RIMBP2: variants seen among roughly 807,000 people sequenced by gnomAD.
RIMBP2 encodes RIMS binding protein 2, also known as RIMS-binding protein 2.
RIMBP2 carries 48 observed loss-of-function variants against 118.6 expected under a neutral mutation model. The ratio of observed to expected loss-of-function variants is 0.40; its 90% CI spans 0.32 to 0.51. The LOEUF is 0.51. Among genes scored for constraint, RIMBP2 ranks in the 20% least tolerant of loss-of-function variants. The pLI, the probability that RIMBP2 is intolerant of heterozygous loss-of-function variation, is 0.41. For synonymous variants in RIMBP2, 762 were observed against 742.9 expected (o/e 1.03, Z -0.42); for missense variants, 1,551 against 1,768.3 (o/e 0.88, Z 2.20).
chr12:130,463,367 G>A (rs561239319), intron 6 of RIMBP2, among the ~76,000 whole-genome samples: 11 of 152,184 alleles, frequency 7.2e-5, no homozygotes, highest in Non-Finnish European at 1.5e-4. Context: ...AACTGAGTCC[G>A]GACCAGGCAG....
intron 1 of RIMBP2, among the ~76,000 whole-genome samples, chr12:130,682,083 T>C (rs1478777960): frequency 6.6e-6 from 1 of 152,230 alleles, no homozygotes; most frequent in Non-Finnish European, 1.5e-5. Context: ...TAGTGTGGCA[T>C]TGCTGCTGGG....
Position 130,424,277 on chromosome 12 carries a change from G to A in RIMBP2, c.2994C>T (p.Pro998=). ...TGGGCTCGCCCCAGCCGTGCTTCCT[G>A]GGGGGCGGCCTCTCCGGGCCGGGCT... is the stretch of plus-strand genomic sequence containing the variant. ...DPQPGPERPP[P]RKHGWGEPTE... is the part of the protein sequence containing the mutation. The change falls in exon 16 of 23, where the codon CCC becomes CCT. Residue 998 remains proline (P), a synonymous_variant. Coordinates refer to ENST00000690449, the MANE Select transcript of RIMBP2 (RefSeq NM_001393629.1). The surrounding 1 kb of genome is among the most constrained non-coding windows in gnomAD (Gnocchi z 9.8). 8.1e-7 allele frequency: 1 copy of A among 1,231,816 alleles called. No homozygotes were observed. The allele number at this position is 1,231,816 out of a possible 1,614,324, so 76.3% of individuals were successfully genotyped here.
chr12:130,428,086 C>T (rs1301682753), intron 15 of RIMBP2, 93 bp downstream of exon 15: 1 of 1,260,486 alleles, frequency 7.9e-7, no homozygotes, highest in Non-Finnish European at 1.1e-6. Context: ...GGGCAAGGCC[C>T]CTCTGGAGCC....
chr12:130,677,435 C>A (rs970961807), intron 1 of RIMBP2, among the ~76,000 whole-genome samples: 4 of 152,102 alleles, frequency 2.6e-5, no homozygotes, highest in African/African-American at 9.7e-5. Flanking sequence ...CGAGACCAGC[C>A]TGGCCAACAT....
At chr12:130,591,233 G>A (rs1233860702) in intron 2 of RIMBP2, among the ~76,000 whole-genome samples, 2 of 152,208 alleles carry the variant, frequency 1.3e-5, no homozygotes, top group Non-Finnish European at 2.9e-5. Flanking sequence ...TGGCTGGAAC[G>A]TCAACTCTCC....
At chr12:130,406,997 G>A (rs969295155) in intron 20 of RIMBP2, among the ~76,000 whole-genome samples, 3 of 152,092 alleles carry the variant, frequency 2.0e-5, no homozygotes, top group Non-Finnish European at 4.4e-5. Flanking sequence ...CAAAGCAGGC[G>A]GTGTCAAACA....
In RIMBP2 at chr12:130,609,249, C is replaced by T. The variant is rs117925406; in HGVS notation, c.-217+19073G>A. On this transcript the variant is annotated intron_variant, in intron 2 of 22. Coordinates refer to ENST00000690449, the MANE Select transcript of RIMBP2 (RefSeq NM_001393629.1). ...TGTCACAAAGCTGTCTGCCCCCCCA[C>T]GTTTATACAGCACCATTCCCACTAG... Among the ~76,000 whole-genome samples the T allele has an allele frequency of 2.1e-3, 316 of 152,220 alleles. 2 individuals carry two copies. Among genetic ancestry groups the T allele is most frequent in the Non-Finnish European group, 3.3e-3 (223 of 68,018 alleles).
Position 130,414,323 on chromosome 12 carries a change from G to T in RIMBP2, c.3239-17C>A. 6.4e-7 allele frequency: 1 copy of T among 1,565,296 alleles called. No homozygotes were observed. The highest frequency in any genetic ancestry group is 8.7e-7 in the Non-Finnish European group (1 of 1,154,124). ...CGTAATCGTCTGCGAGCAAGTGGGG[G>T]TGAAGAACAGAGCGGCAGTGAGCCT... is the stretch of plus-strand genomic sequence containing the variant. On this transcript the variant is annotated splice_polypyrimidine_tract_variant and intron_variant, in intron 17 of 22. Transcript: ENST00000690449.
chr12:130,519,712 A>G (rs1378904885), intron 2 of RIMBP2, among the ~76,000 whole-genome samples: 1 of 152,212 alleles, frequency 6.6e-6, no homozygotes, highest in Non-Finnish European at 1.5e-5. Flanking sequence ...GCAATAGCTC[A>G]GAGAATTTGA....
At chr12:130,490,241 C>T (rs1056400411) in intron 4 of RIMBP2, among the ~76,000 whole-genome samples, 3 of 151,428 alleles carry the variant, frequency 2.0e-5, no homozygotes, top group African/African-American at 2.4e-5. Context: ...CACAGACTTA[C>T]TGTGACAATT....
At position 130,441,956 on chromosome 12, in the gene RIMBP2, C is replaced by A. The variant is rs1344851920; in HGVS notation, c.1396G>T (p.Ala466Ser). The stretch of plus-strand genomic sequence containing the variant: ...TTGGCCAGAACCTTCACCTTATAGG[C>A]CATGTTGGGCCTGAGATTGAAGAAC... ...YQFFNLRPNM[A>S]YKVKVLAKPH... Residue 466 changes from alanine to serine, a missense_variant, in exon 11 of 23, where the codon GCC becomes TCC. Physicochemically the swap from Ala to Ser is moderately conservative, Grantham distance 99. Around this residue, in one of 5 missense-constraint regions of RIMBP2, gnomAD observed 3 missense variants for 16.5 expected, o/e 0.18. Coordinates refer to ENST00000690449, the MANE Select transcript of RIMBP2 (RefSeq NM_001393629.1). The A allele has an allele frequency of 6.2e-7, 1 of 1,613,998 alleles. No homozygotes were observed. Among genetic ancestry groups the A allele is most frequent in the East Asian group, 2.2e-5 (1 of 44,886 alleles).
intron 2 of RIMBP2, among the ~76,000 whole-genome samples, chr12:130,560,215 A>C (rs1330392238): frequency 6.6e-6 from 1 of 152,172 alleles, no homozygotes; most frequent in Non-Finnish European, 1.5e-5. Flanking sequence ...AATGTGGTAA[A>C]AGACTTCCTA....
chr12:130,591,591 G>A (rs2059272384), intron 2 of RIMBP2, among the ~76,000 whole-genome samples: 1 of 152,130 alleles, frequency 6.6e-6, no homozygotes, highest in African/African-American at 2.4e-5. Context: ...GGGCGGGGGG[G>A]CTCCTTCCAG....
rs368757725 is a variant in RIMBP2, at chr12:130,578,757, G to T, written c.-217+49565C>A. On this transcript the variant is annotated intron_variant, in intron 2 of 22. Transcript: ENST00000690449. The surrounding 1 kb of genome is among the most constrained non-coding windows in gnomAD (Gnocchi z 4.1). The stretch of plus-strand genomic sequence containing the variant: ...ACTTGGCTTGTGCCTTCCACTGCAC[G>T]CTCCACTATCTGAAGTCGCAGGTCC... Among the ~76,000 whole-genome samples the T allele has an allele frequency of 2.6e-5, 4 of 152,144 alleles. No homozygotes were observed. The highest frequency in any genetic ancestry group is 5.9e-5 in the Non-Finnish European group (4 of 68,036).
At chr12:130,715,755 T>TCCCCCC (rs11388548) in intron 1 of RIMBP2, among the ~76,000 whole-genome samples, 1 of 133,806 alleles carries the variant, frequency 7.5e-6, no homozygotes, top group African/African-American at 2.5e-5. Flanking sequence ...CACGTCCCCT[T>TCCCCCC]CCCCCCCTCC....
chr12:130,424,412 GC>G lies in RIMBP2; in HGVS notation c.2858del (p.Gly953AlafsTer12). On this transcript the variant is annotated frameshift_variant, in exon 16 of 23. Transcript: ENST00000690449. LOFTEE classifies it high-confidence loss of function. This position sits in a 1 kb window ranked among gnomAD's most constrained non-coding sequence, Gnocchi z 9.8. ...GCCGCCGGGCCAGCAGCGGCCTCGG[GC>G]CCCTCCTGCAGGGACAGTGACCAGG... ...PGPGHCPCRRGPRPLLARRRT... is the reference protein window; with the variant it reads ...PGPGHCPCRRXPRPLLARRRT... 1.6e-6 allele frequency: 2 copies of G among 1,232,752 alleles called. No individual in the cohort carries two copies. Among genetic ancestry groups the G allele is most frequent in the Non-Finnish European group, 2.0e-6 (2 of 988,220 alleles). 76.4% of individuals were successfully genotyped at this position (1,232,752 alleles called of 1,614,324 possible). A position where few individuals can be genotyped will look rare whatever the true frequency, so the allele number is the denominator to read the frequency against.
chr12:130,554,378 G>A (rs1399042816), intron 2 of RIMBP2, among the ~76,000 whole-genome samples: 1 of 152,162 alleles, frequency 6.6e-6, no homozygotes, highest in East Asian at 1.9e-4. Context: ...CCTCATTCAA[G>A]CATCCTAATG....
In RIMBP2 at chr12:130,525,255, C is replaced by T. The variant is rs1384774295; in HGVS notation, c.-216-7338G>A. Reference sequence around the variant, plus strand: ...GTGACCAGAGCCTTGAGAGTGGGGACCGGCAGGTCAGCTACTGCCCAGAAG... The same window carrying T: ...GTGACCAGAGCCTTGAGAGTGGGGATCGGCAGGTCAGCTACTGCCCAGAAG... On this transcript the variant is annotated intron_variant, in intron 2 of 22. Coordinates refer to ENST00000690449, the MANE Select transcript of RIMBP2 (RefSeq NM_001393629.1). This position sits in a 1 kb window ranked among gnomAD's most constrained non-coding sequence, Gnocchi z 4.4. Among the ~76,000 whole-genome samples the T allele has an allele frequency of 1.3e-5, 2 of 152,172 alleles. No individual in the cohort carries two copies. Among genetic ancestry groups the T allele is most frequent in the Non-Finnish European group, 2.9e-5 (2 of 68,032 alleles).
At chr12:130,674,846 A>T (rs116633467) in intron 1 of RIMBP2, among the ~76,000 whole-genome samples, 1,653 of 151,970 alleles carry the variant, frequency 0.011, 25 homozygotes, top group African/African-American at 0.038. Context: ...CGGGTCGTAT[A>T]CGTGGGATCC....
Sources: allele counts gnomAD v4.1 joint callset (sites outside exome capture counted in the v4.1 genomes callset), GRCh38; gene constraint gnomAD v4.1.1; regional missense constraint gnomAD v4.1.1; non-coding constraint Gnocchi (gnomAD v3.1); transcripts MANE v1.5; gene names NCBI Gene and HGNC (gene_info 2026-07-23, HGNC 2026-07-21).